Variants in UNC5C observed in about 807,000 individuals in gnomAD.
UNC5C encodes the protein unc-5 netrin receptor C.
A neutral mutation model predicts 99.8 loss-of-function variants in UNC5C; 47 were observed. The ratio of observed to expected loss-of-function variants is 0.47; its 90% CI spans 0.37 to 0.60. The LOEUF (loss-of-function observed/expected upper bound fraction) is 0.60. Among genes scored for constraint, UNC5C ranks in the 20% least tolerant of loss-of-function variants. The probability of loss-of-function intolerance (pLI) is 0.00; values close to 1 mark genes in which losing one functional copy is unlikely to be tolerated. For missense variants in UNC5C, 1,062 were observed against 1,165.9 expected (o/e 0.91, Z 1.30); for synonymous variants, 487 against 452.2 (o/e 1.08, Z -0.98).
intron 13 of UNC5C, among the ~76,000 whole-genome samples, chr4:95,184,811 T>C (rs565193023): frequency 1.3e-5 from 2 of 152,344 alleles, no homozygotes; most frequent in East Asian, 3.9e-4. Context: ...TGGAAGCCTT[T>C]CATTTATTAA....
At chr4:95,231,642 G>C (rs1738916189) in intron 7 of UNC5C, among the ~76,000 whole-genome samples, 2 of 151,982 alleles carry the variant, frequency 1.3e-5, no homozygotes, top group African/African-American at 4.8e-5. Flanking sequence ...CATTTGTTCT[G>C]ATGCAAATGT....
chr4:95,184,979 G>A, intron 13 of UNC5C, 68 bp downstream of exon 13: 1 of 1,436,150 alleles, frequency 7.0e-7, no homozygotes, highest in Non-Finnish European at 9.2e-7. Flanking sequence ...GATTTCCTAT[G>A]TCTATATAAT....
At chr4:95,429,417 G>GT (rs1746574449) in intron 1 of UNC5C, among the ~76,000 whole-genome samples, 1 of 151,994 alleles carries the variant, frequency 6.6e-6, no homozygotes, top group African/African-American at 2.4e-5. Context: ...TACAGTGGTA[G>GT]TTGTTTTCTT....
chr4:95,544,661 G>A (rs768744050), intron 1 of UNC5C, among the ~76,000 whole-genome samples: 1 of 152,124 alleles, frequency 6.6e-6, no homozygotes, highest in Non-Finnish European at 1.5e-5. Flanking sequence ...AATTGCTTAA[G>A]AACTTTACTT....
chr4:95,330,516 CT>C (rs980103338), intron 2 of UNC5C, among the ~76,000 whole-genome samples: 16 of 152,060 alleles, frequency 1.1e-4, no homozygotes, highest in African/African-American at 3.9e-4. Flanking sequence ...TAAATGACAT[CT>C]TTTACTGCAT....
intron 1 of UNC5C, among the ~76,000 whole-genome samples, chr4:95,514,897 C>A (rs1024273034): frequency 6.6e-6 from 1 of 151,850 alleles, no homozygotes; most frequent in Non-Finnish European, 1.5e-5. Context: ...TGGTCTTGAA[C>A]TCCTGACCTT....
At position 95,228,854 on chromosome 4, in the gene UNC5C, C is replaced by T. The variant is rs150568514; in HGVS notation, c.1109-8678G>A. ...CAAAAATAGCATAGAGAGGTTGTCT[C>T]CTTTACATGAAAAAAATTTCCAAAC... On this transcript the variant is annotated intron_variant, in intron 7 of 15. Transcript: ENST00000453304. Among the ~76,000 whole-genome samples, 223 of 152,234 alleles carry T rather than the reference C, an allele frequency of 1.5e-3. 1 individual carries two copies. The highest frequency in any genetic ancestry group is 5.2e-3 in the African/African-American group (215 of 41,550).
intron 4 of UNC5C, among the ~76,000 whole-genome samples, chr4:95,272,441 C>T (rs1372461043): frequency 6.6e-6 from 1 of 152,148 alleles, no homozygotes; most frequent in Non-Finnish European, 1.5e-5. Flanking sequence ...GTTGCTTAAA[C>T]TTATTGCAAT....
At chr4:95,229,047 T>A (rs1471377772) in intron 7 of UNC5C, among the ~76,000 whole-genome samples, 1 of 152,134 alleles carries the variant, frequency 6.6e-6, no homozygotes, top group South Asian at 2.1e-4. Context: ...AGGAGAAACA[T>A]CATTTCCCTC....
intron 4 of UNC5C, among the ~76,000 whole-genome samples, chr4:95,262,134 G>T (rs1740261166): frequency 6.6e-6 from 1 of 152,164 alleles, no homozygotes; most frequent in Non-Finnish European, 1.5e-5. Context: ...CCAGATAAGG[G>T]AATAATTGGG....
chr4:95,313,889 T>C (rs1742369571), intron 2 of UNC5C, among the ~76,000 whole-genome samples: 1 of 152,226 alleles, frequency 6.6e-6, no homozygotes, highest in Admixed American at 6.5e-5. Context: ...AATTCTGCTC[T>C]GTACGTATTG....
intron 1 of UNC5C, among the ~76,000 whole-genome samples, chr4:95,426,625 G>A (rs1746494729): frequency 6.6e-6 from 1 of 152,200 alleles, no homozygotes; most frequent in African/African-American, 2.4e-5. Flanking sequence ...AATTAAAAGT[G>A]CTACTCCAGT....
intron 1 of UNC5C, among the ~76,000 whole-genome samples, chr4:95,498,280 C>T (rs10516976): frequency 0.13 from 20,046 of 151,810 alleles, 1,562 homozygotes; most frequent in African/African-American, 0.21. Flanking sequence ...CTTTGCTTAC[C>T]AGTTGTAATG....
At chr4:95,375,431 C>T (rs895682120) in intron 1 of UNC5C, among the ~76,000 whole-genome samples, 11 of 151,990 alleles carry the variant, frequency 7.2e-5, no homozygotes, top group East Asian at 5.8e-4. Context: ...TCAAGAAATA[C>T]GTCAGTATTC....
chr4:95,480,765 T>G (rs1389593099), intron 1 of UNC5C, among the ~76,000 whole-genome samples: 1 of 152,064 alleles, frequency 6.6e-6, no homozygotes, highest in Non-Finnish European at 1.5e-5. Flanking sequence ...AACCACATGA[T>G]TATCTCAATA....
chr4:95,191,389 T>C (rs1240150994), intron 12 of UNC5C, among the ~76,000 whole-genome samples: 1 of 152,118 alleles, frequency 6.6e-6, no homozygotes, highest in African/African-American at 2.4e-5. Context: ...GTATGACAAG[T>C]CTGCCCCCAG....
chr4:95,253,621 G>T (rs1248973692), intron 4 of UNC5C, among the ~76,000 whole-genome samples: 2 of 152,054 alleles, frequency 1.3e-5, no homozygotes, highest in Non-Finnish European at 2.9e-5. Context: ...TACTGGATTT[G>T]CTTTCACGCC....
intron 14 of UNC5C, 56 bp downstream of exon 14, chr4:95,182,841 C>CTTCCTGAGTG: frequency 6.4e-7 from 1 of 1,558,210 alleles, no homozygotes; most frequent in Non-Finnish European, 8.7e-7. Context: ...CCCACACACT[C>CTTCCTGAGTG]TGTCTTCCTG....
At chr4:95,202,638 C>T (rs1433805736) in intron 12 of UNC5C, 93 bp downstream of exon 12, 4 of 1,259,030 alleles carry the variant, frequency 3.2e-6, no homozygotes, top group Non-Finnish European at 3.3e-6. Flanking sequence ...CTTGGGTGCA[C>T]ACACACAGCC....
Sources: allele counts gnomAD v4.1 joint callset (sites outside exome capture counted in the v4.1 genomes callset), GRCh38; gene constraint gnomAD v4.1.1; transcripts MANE v1.5; gene names NCBI Gene and HGNC (gene_info 2026-07-23, HGNC 2026-07-21).